TRIQK: variants seen among roughly 807,000 people sequenced by gnomAD.
TRIQK encodes the protein triple QxxK/R motif containing, also known as triple QxxK/R motif-containing protein.
A neutral mutation model predicts 10.8 loss-of-function variants in TRIQK; 10 were observed. The observed-to-expected ratio is 0.92, with a 90% CI of 0.57 to 1.57. The LOEUF is 1.57. Among genes scored for constraint, TRIQK ranks in the 40% most tolerant of loss-of-function variants. The probability of loss-of-function intolerance (pLI) is 0.00; values close to 1 mark genes in which losing one functional copy is unlikely to be tolerated. For missense variants in TRIQK, 107 were observed against 97.7 expected (o/e 1.09, Z -0.40); for synonymous variants, 33 against 33.7 (o/e 0.98, Z 0.07).
intron 1 of TRIQK, among the ~76,000 whole-genome samples, chr8:93,010,958 C>T (rs1038188307): frequency 2.6e-5 from 4 of 152,024 alleles, no homozygotes; most frequent in African/African-American, 9.7e-5. Context: ...TTTCTCTTAC[C>T]TAAGCATTTT....
At chr8:92,919,157 A>G (rs2130475139) in intron 2 of TRIQK, among the ~76,000 whole-genome samples, 1 of 151,880 alleles carries the variant, frequency 6.6e-6, no homozygotes, top group Admixed American at 6.6e-5. Flanking sequence ...AGATAGTGTG[A>G]TTCTCTGGCT....
intron 1 of TRIQK, among the ~76,000 whole-genome samples, chr8:93,016,787 C>G (rs1172682170): frequency 6.6e-6 from 1 of 151,954 alleles, no homozygotes; most frequent in Non-Finnish European, 1.5e-5. Context: ...GCAGCAGGTG[C>G]GAAGCCTCAG....
intron 2 of TRIQK, among the ~76,000 whole-genome samples, chr8:92,947,587 G>GAAAAAAAAAAAAAACAAAAAAAAA (rs1811620845): frequency 1.6e-5 from 1 of 61,440 alleles, no homozygotes; most frequent in African/African-American, 6.4e-5. Context: ...TCCGCCTCAG[G>GAAAAAAAAAAAAAACAAAAAAAAA]AAAAAAAAAA....
chr8:92,898,833 G>GTATATATATATATATATATATATA (rs67063066), intron 3 of TRIQK, among the ~76,000 whole-genome samples: 1 of 73,902 alleles, frequency 1.4e-5, no homozygotes, highest in Non-Finnish European at 2.5e-5. Flanking sequence ...GTGTGTGTGT[G>GTATATATATATATATATATATATA]TATATATATA....
At chr8:92,908,034 A>G (rs1014092394) in intron 3 of TRIQK, among the ~76,000 whole-genome samples, 1 of 152,138 alleles carries the variant, frequency 6.6e-6, no homozygotes, top group African/African-American at 2.4e-5. Flanking sequence ...AATCATTTTA[A>G]CTGTGACATG....
chr8:92,959,480 TACACACACACACACACACACAC>T (rs34816958), intron 1 of TRIQK, among the ~76,000 whole-genome samples: 3 of 143,628 alleles, frequency 2.1e-5, no homozygotes, highest in African/African-American at 7.6e-5. Context: ...TATATATGCA[TACACACACACACACACACACAC>T]ACACACACAC....
At chr8:92,939,227 T>C (rs1054250228) in intron 2 of TRIQK, among the ~76,000 whole-genome samples, 3 of 152,200 alleles carry the variant, frequency 2.0e-5, no homozygotes, top group African/African-American at 7.2e-5. Flanking sequence ...AGCCTACTTC[T>C]AAAACATTAT....
chr8:92,893,581 G>C (rs1309434486), intron 3 of TRIQK, among the ~76,000 whole-genome samples: 1 of 151,832 alleles, frequency 6.6e-6, no homozygotes, highest in Non-Finnish European at 1.5e-5. Context: ...TTTTAAATTA[G>C]CAATATTTAA....
chr8:92,959,351 G>A lies in TRIQK; in HGVS notation c.-180-4787C>T, dbSNP rs189247854. ...ACAAAATTTTATTTAAATCTAGGTC[G>A]TTCTTATTGAATTAATTGTGTAGTA... On this transcript the variant is annotated intron_variant, in intron 1 of 4. Coordinates refer to ENST00000521988, the MANE Select transcript of TRIQK (RefSeq NM_001171797.2). Among the ~76,000 whole-genome samples the A allele has an allele frequency of 3.9e-3, 599 of 151,884 alleles. 2 individuals carry two copies. Among genetic ancestry groups the A allele is most frequent in the Non-Finnish European group, 6.2e-3 (422 of 67,888 alleles).
chr8:92,993,044 C>T (rs1394733711), intron 1 of TRIQK, among the ~76,000 whole-genome samples: 1 of 152,162 alleles, frequency 6.6e-6, no homozygotes. Flanking sequence ...GAGAAGCCAT[C>T]AATATCCTGA....
intron 1 of TRIQK, among the ~76,000 whole-genome samples, chr8:93,016,372 A>T (rs1813384341): frequency 6.6e-6 from 1 of 152,212 alleles, no homozygotes; most frequent in Admixed American, 6.5e-5. Context: ...ATCAGAAATT[A>T]TTCAGTGCAA....
chr8:92,943,344 A>G (rs1000436728), intron 2 of TRIQK, among the ~76,000 whole-genome samples: 1 of 152,188 alleles, frequency 6.6e-6, no homozygotes, highest in African/African-American at 2.4e-5. Flanking sequence ...ATATGGACCC[A>G]GAAAACACCC....
At chr8:92,890,862 A>T (rs889097280) in intron 4 of TRIQK, among the ~76,000 whole-genome samples, 3 of 151,966 alleles carry the variant, frequency 2.0e-5, no homozygotes, top group African/African-American at 4.8e-5. Flanking sequence ...TGTAAAATTT[A>T]AAAAAATCTC....
At chr8:92,934,988 G>A (rs914988670) in intron 2 of TRIQK, among the ~76,000 whole-genome samples, 6 of 151,914 alleles carry the variant, frequency 3.9e-5, no homozygotes, top group Non-Finnish European at 8.9e-5. Flanking sequence ...ACAATGGATT[G>A]ATGGAGAAAA....
intron 2 of TRIQK, among the ~76,000 whole-genome samples, chr8:92,943,406 A>T (rs1227221169): frequency 1.3e-5 from 2 of 152,180 alleles, no homozygotes; most frequent in Non-Finnish European, 1.5e-5. Context: ...GAGGCATCAC[A>T]TTACCTGACT....
At chr8:92,969,874 C>T (rs1169010379), upstream of TRIQK, among the ~76,000 whole-genome samples, 2 of 152,004 alleles carry the variant, frequency 1.3e-5, no homozygotes, top group African/African-American at 4.8e-5. Context: ...TGGTTTGCTG[C>T]ACCTATCAAC....
At chr8:92,918,676 C>T (rs1809995706) in intron 2 of TRIQK, among the ~76,000 whole-genome samples, 1 of 151,860 alleles carries the variant, frequency 6.6e-6, no homozygotes, top group South Asian at 2.1e-4. Flanking sequence ...GTTGTCTCTT[C>T]ACTTTGTTGA....
chr8:92,989,574 C>G (rs1813075215), intron 1 of TRIQK, among the ~76,000 whole-genome samples: 1 of 152,202 alleles, frequency 6.6e-6, no homozygotes, highest in Non-Finnish European at 1.5e-5. Context: ...CCGTCACTGT[C>G]TCCCATCACC....
intron 1 of TRIQK, among the ~76,000 whole-genome samples, chr8:92,996,069 T>C (rs1813151350): frequency 6.6e-6 from 1 of 152,218 alleles, no homozygotes; most frequent in African/African-American, 2.4e-5. Flanking sequence ...CATTTGTTTT[T>C]AGAACCTCCC....
Sources: allele counts gnomAD v4.1 joint callset (sites outside exome capture counted in the v4.1 genomes callset), GRCh38; gene constraint gnomAD v4.1.1; transcripts MANE v1.5; gene names NCBI Gene and HGNC (gene_info 2026-07-23, HGNC 2026-07-21).